Variants in GALNT17 observed in about 807,000 individuals in gnomAD.
GALNT17 encodes polypeptide N-acetylgalactosaminyltransferase 17.
Under a neutral mutation model 63.7 loss-of-function variants are expected in GALNT17, and 29 were observed. That is an observed-to-expected ratio of 0.46 (90% confidence interval 0.34 to 0.62). The LOEUF is 0.62. Ranked by LOEUF, GALNT17 falls within the 20% of genes least tolerant of loss-of-function variation. The probability of loss-of-function intolerance (pLI) is 0.01; values close to 1 mark genes in which losing one functional copy is unlikely to be tolerated. For synonymous variants in GALNT17, 305 were observed against 318.3 expected, an observed-to-expected ratio of 0.96 and a Z score of 0.45; for missense variants, 603 against 799.6, an observed-to-expected ratio of 0.75 and a Z score of 2.97.
At chr7:71,606,090 C>G (rs1205602437) in intron 6 of GALNT17, among the ~76,000 whole-genome samples, 1 of 150,618 alleles carries the variant, frequency 6.6e-6, no homozygotes, top group South Asian at 2.1e-4. Context: ...CTGGTGTGTA[C>G]CACCACACTC....
intron 2 of GALNT17, among the ~76,000 whole-genome samples, chr7:71,376,544 T>C (rs751033553): frequency 2.0e-5 from 3 of 149,902 alleles, no homozygotes; most frequent in Non-Finnish European, 3.0e-5. Flanking sequence ...TCTGCTCCCG[T>C]ATGTGTGCGA....
At position 71,179,697 on chromosome 7, in the gene GALNT17, C is replaced by T. The variant is rs187974029; in HGVS notation, c.238+46657C>T. On this transcript the variant is annotated intron_variant, in intron 1 of 10. Coordinates refer to ENST00000333538, the MANE Select transcript of GALNT17 (RefSeq NM_022479.3). ...CAGAGGCCTGCCTACCAGGGTTCCA[C>T]CTCTGACTTTCTGGCTGTTCTTCTA... Among the ~76,000 whole-genome samples the T allele has an allele frequency of 7.2e-5, 11 of 152,286 alleles. No individual in the cohort carries two copies. In the East Asian group the frequency reaches 2.1e-3, roughly 29 times the overall value.
At chr7:71,431,638 G>A (rs1167784730) in intron 5 of GALNT17, among the ~76,000 whole-genome samples, 1 of 152,120 alleles carries the variant, frequency 6.6e-6, no homozygotes, top group Admixed American at 6.6e-5. Context: ...CAGAGTCTGT[G>A]TTCTTACCTG....
intron 1 of GALNT17, among the ~76,000 whole-genome samples, chr7:71,276,040 T>C (rs1259683871): frequency 1.3e-5 from 2 of 152,372 alleles, no homozygotes; most frequent in Admixed American, 1.3e-4. Flanking sequence ...GATTTGTTGC[T>C]ATAATGTTTA....
intron 1 of GALNT17, among the ~76,000 whole-genome samples, chr7:71,260,411 C>T (rs1020592957): frequency 8.5e-5 from 13 of 152,136 alleles, no homozygotes; most frequent in Non-Finnish European, 2.9e-5. Context: ...AACACACAGA[C>T]CTTTGCTTTA....
At chr7:71,230,434 G>A (rs1789767048) in intron 1 of GALNT17, among the ~76,000 whole-genome samples, 1 of 152,168 alleles carries the variant, frequency 6.6e-6, no homozygotes, top group Non-Finnish European at 1.5e-5. Flanking sequence ...AGGGAGGGAA[G>A]TTGGTACCAG....
chr7:71,199,978 T>A (rs1789137250), intron 1 of GALNT17, among the ~76,000 whole-genome samples: 1 of 152,212 alleles, frequency 6.6e-6, no homozygotes, highest in South Asian at 2.1e-4. Context: ...GAGATAATAG[T>A]TAAATCCATT....
chr7:71,490,160 G>A (rs961643650), intron 5 of GALNT17, among the ~76,000 whole-genome samples: 1 of 152,060 alleles, frequency 6.6e-6, no homozygotes, highest in African/African-American at 2.4e-5. Flanking sequence ...CGGAGGCTGA[G>A]GCAGGAGAAT....
intron 6 of GALNT17, among the ~76,000 whole-genome samples, chr7:71,600,182 G>A (rs915753469): frequency 2.7e-5 from 4 of 150,606 alleles, no homozygotes; most frequent in African/African-American, 4.9e-5. Flanking sequence ...GAGCCACAGT[G>A]TATAAGCAGA....
chr7:71,148,858 TTTTATATATATATATA>T (rs965602396), intron 1 of GALNT17, among the ~76,000 whole-genome samples: 9 of 91,916 alleles, frequency 9.8e-5, no homozygotes, highest in African/African-American at 3.1e-4. Flanking sequence ...ATTATGGTAT[TTTTATATATATATATA>T]TATATATATA....
At chr7:71,291,494 TAGAA>T (rs1474561962) in intron 1 of GALNT17, among the ~76,000 whole-genome samples, 6 of 152,220 alleles carry the variant, frequency 3.9e-5, no homozygotes, top group Non-Finnish European at 7.3e-5. Context: ...TCATTTCATC[TAGAA>T]AGAGACTATA....
intron 2 of GALNT17, among the ~76,000 whole-genome samples, chr7:71,387,040 G>A (rs1792958385): frequency 6.6e-6 from 1 of 151,884 alleles, no homozygotes; most frequent in Non-Finnish European, 1.5e-5. Flanking sequence ...ATCACTAGGG[G>A]AGTGGCGAGT....
chr7:71,342,691 A>G (rs1792026619), intron 2 of GALNT17, among the ~76,000 whole-genome samples: 2 of 152,196 alleles, frequency 1.3e-5, no homozygotes, highest in African/African-American at 4.8e-5. Flanking sequence ...AGGAGGCAAA[A>G]TGTGTATGTG....
chr7:71,540,557 C>T (rs1788872421), intron 5 of GALNT17, among the ~76,000 whole-genome samples: 1 of 152,082 alleles, frequency 6.6e-6, no homozygotes, highest in African/African-American at 2.4e-5. Context: ...CCTCCATCTC[C>T]CTTTGTAGAG....
chr7:71,321,916 TTC>T (rs1791619712), intron 1 of GALNT17, among the ~76,000 whole-genome samples: 1 of 73,120 alleles, frequency 1.4e-5, no homozygotes. Context: ...CCTTCCTTCC[TTC>T]CTTCCCCTCC....
In GALNT17 at chr7:71,394,968, G is replaced by C. The variant is rs188300266; in HGVS notation, c.589+6567G>C. On this transcript the variant is annotated intron_variant, in intron 3 of 10. Coordinates refer to ENST00000333538, the MANE Select transcript of GALNT17 (RefSeq NM_022479.3). ...AATACAAAAATTAGCTGGGTGTGGT[G>C]GCACGTGCCTGTAGTCTGAGCTACT... 4.4e-4 allele frequency among the ~76,000 whole-genome samples: 67 copies of C among 152,118 alleles called. No individual in the cohort carries two copies. In the East Asian group the frequency reaches 0.01, roughly 24 times the overall value.
intron 1 of GALNT17, among the ~76,000 whole-genome samples, chr7:71,321,259 C>T (rs985373355): frequency 6.6e-6 from 1 of 152,188 alleles, no homozygotes; most frequent in African/African-American, 2.4e-5. Flanking sequence ...CACAATTAAC[C>T]TTTCATCCAT....
At chr7:71,403,635 A>G (rs73362010) in intron 3 of GALNT17, among the ~76,000 whole-genome samples, 6,842 of 152,244 alleles carry the variant, frequency 0.045, 548 homozygotes, top group African/African-American at 0.16. Context: ...TAGGATTCAC[A>G]CTGCCTTTGA....
At chr7:71,696,605 A>G (rs1359124703) in intron 9 of GALNT17, among the ~76,000 whole-genome samples, 1 of 152,170 alleles carries the variant, frequency 6.6e-6, no homozygotes, top group African/African-American at 2.4e-5. Context: ...TAACCTGCGT[A>G]TTCTAGTTTT....
Sources: gnomAD v4.1 joint callset for allele counts (sites outside exome capture counted in the v4.1 genomes callset) on GRCh38, gnomAD v4.1.1 for gene constraint, MANE v1.5 for transcripts, NCBI Gene and HGNC (gene_info 2026-07-23, HGNC 2026-07-21) for gene names.